ASAP2: variants seen among roughly 807,000 people sequenced by gnomAD.
ASAP2 encodes ArfGAP with SH3 domain, ankyrin repeat and PH domain 2, also known as arf-GAP with SH3 domain, ANK repeat and PH domain-containing protein 2.
In ASAP2, 45 loss-of-function variants were observed where a neutral mutation model predicts 131.4. The observed-to-expected ratio is 0.34, with a 90% CI of 0.27 to 0.44. ASAP2 has a LOEUF of 0.44. Ranked by LOEUF, ASAP2 falls within the 20% of genes least tolerant of loss-of-function variation. ASAP2 has a pLI of 1.00. For missense variants in ASAP2, 1,011 were observed against 1,297.0 expected (o/e 0.78, Z 3.39); for synonymous variants, 510 against 503.0 (o/e 1.01, Z -0.19).
At chr2:9,332,282 C>G (rs560722268) in intron 7 of ASAP2, among the ~76,000 whole-genome samples, 2 of 152,216 alleles carry the variant, frequency 1.3e-5, no homozygotes, top group East Asian at 3.9e-4. Flanking sequence ...GGACAGCAGC[C>G]AGCGGAGAAG....
At chr2:9,288,914 T>TAATA (rs2148353726) in intron 2 of ASAP2, among the ~76,000 whole-genome samples, 1 of 152,286 alleles carries the variant, frequency 6.6e-6, no homozygotes, top group South Asian at 2.1e-4. Flanking sequence ...AGCTCAGTTT[T>TAATA]AATCTCATGC....
intron 2 of ASAP2, among the ~76,000 whole-genome samples, chr2:9,289,268 G>T (rs1242820924): frequency 6.6e-6 from 1 of 152,166 alleles, no homozygotes. Flanking sequence ...ATTCCCCAGA[G>T]CTCATTTTGT....
intron 16 of ASAP2, among the ~76,000 whole-genome samples, chr2:9,372,921 C>G (rs1480012478): frequency 1.3e-5 from 2 of 152,160 alleles, no homozygotes; most frequent in Admixed American, 1.3e-4. Context: ...GTGGACTCCA[C>G]ACAGACAGGG....
At chr2:9,312,856 G>T (rs1278648269) in intron 3 of ASAP2, among the ~76,000 whole-genome samples, 1 of 152,048 alleles carries the variant, frequency 6.6e-6, no homozygotes, top group Non-Finnish European at 1.5e-5. Flanking sequence ...AGCTGTCCTT[G>T]CAGCCTGGCC....
chr2:9,295,460 G>GA (rs1276706345), intron 2 of ASAP2, among the ~76,000 whole-genome samples: 2 of 152,252 alleles, frequency 1.3e-5, no homozygotes, highest in Non-Finnish European at 2.9e-5. Flanking sequence ...GTGGTAAACT[G>GA]AGTCTCTTTA....
At chr2:9,335,350 T>C (rs1671136556) in intron 9 of ASAP2, among the ~76,000 whole-genome samples, 171 bp downstream of exon 9, 1 of 152,220 alleles carries the variant, frequency 6.6e-6, no homozygotes, top group Admixed American at 6.5e-5. Flanking sequence ...AAAACCATCT[T>C]TTAAAATATG....
intron 1 of ASAP2, among the ~76,000 whole-genome samples, chr2:9,243,398 G>A (rs1239375383): frequency 2.6e-5 from 4 of 152,160 alleles, no homozygotes; most frequent in African/African-American, 7.2e-5. Context: ...ATGAGCCACC[G>A]TGCCCGGCCT....
At chr2:9,248,907 T>C (rs1200330306) in intron 1 of ASAP2, among the ~76,000 whole-genome samples, 1 of 152,224 alleles carries the variant, frequency 6.6e-6, no homozygotes, top group African/African-American at 2.4e-5. Flanking sequence ...CTACCTGTCA[T>C]GGAAGCTCTC....
intron 19 of ASAP2, among the ~76,000 whole-genome samples, chr2:9,379,818 C>T (rs538330006): frequency 9.2e-5 from 14 of 151,874 alleles, no homozygotes; most frequent in Non-Finnish European, 1.3e-4. Flanking sequence ...ATGGTGAAAC[C>T]CTGTCTCCAC....
intron 7 of ASAP2, among the ~76,000 whole-genome samples, chr2:9,329,866 C>G (rs1339952943): frequency 6.6e-6 from 1 of 152,182 alleles, no homozygotes; most frequent in African/African-American, 2.4e-5. Flanking sequence ...TCCTAGGACC[C>G]AGCTTATGGA....
intron 2 of ASAP2, among the ~76,000 whole-genome samples, chr2:9,288,878 AG>A (rs1374449920): frequency 6.6e-6 from 1 of 151,906 alleles, no homozygotes; most frequent in African/African-American, 2.4e-5. Context: ...GGTTAAGGAG[AG>A]TCTAGGGTGA....
intron 14 of ASAP2, among the ~76,000 whole-genome samples, chr2:9,356,683 G>A (rs1156743295): frequency 6.6e-6 from 1 of 152,158 alleles, no homozygotes; most frequent in Non-Finnish European, 1.5e-5. Flanking sequence ...ATGTGGATGG[G>A]CTTCCTTGCT....
rs532874073 is a variant in ASAP2, at chr2:9,284,160, G to A, written c.199+4771G>A. ...ATTCCTCTTTGCCAAGTAGCATAAC[G>A]TACTCACAAGTTCCAGGGATTAGGA... On this transcript the variant is annotated intron_variant, in intron 2 of 27. Transcript: ENST00000281419. Among the ~76,000 whole-genome samples the A allele has an allele frequency of 1.1e-4, 16 of 152,268 alleles. No individual in the cohort carries two copies. In the South Asian group the frequency reaches 2.1e-3, roughly 20 times the overall value.
intron 9 of ASAP2, 117 bp downstream of exon 9, chr2:9,335,296 G>A: frequency 1.2e-6 from 1 of 813,706 alleles, no homozygotes; most frequent in Non-Finnish European, 2.1e-6. Context: ...GGCTGTGTCA[G>A]GCACCAGTAA....
intron 3 of ASAP2, among the ~76,000 whole-genome samples, chr2:9,317,920 C>T (rs946655998): frequency 6.6e-6 from 1 of 152,200 alleles, no homozygotes; most frequent in African/African-American, 2.4e-5. Context: ...TATACTCAAG[C>T]ACAGTCACAC....
rs980124624 is a variant in ASAP2, at chr2:9,347,018, T to C, written c.1023+2218T>C. Among the ~76,000 whole-genome samples the C allele has an allele frequency of 2.6e-5, 4 of 152,154 alleles. No homozygotes were observed. The South Asian group carries it at 8.3e-4, about 32-fold the overall frequency. On this transcript the variant is annotated intron_variant, in intron 11 of 27. Coordinates refer to ENST00000281419, the MANE Select transcript of ASAP2 (RefSeq NM_003887.3). ...ACACAGCGTGTGCATATTTAATAGG[T>C]GCTTTGTGTTTGGAGGGGAAAACCC...
intron 20 of ASAP2, among the ~76,000 whole-genome samples, chr2:9,383,868 A>G (rs1210451404): frequency 6.6e-6 from 1 of 152,236 alleles, no homozygotes. Flanking sequence ...TTGTAGGGAC[A>G]TGAATGAAAC....
chr2:9,284,260 GAATCA>G (rs1223001221), intron 2 of ASAP2, among the ~76,000 whole-genome samples: 4 of 152,230 alleles, frequency 2.6e-5, no homozygotes, highest in African/African-American at 9.6e-5. Flanking sequence ...TTTGGAGGTT[GAATCA>G]GTTTCCACTG....
intron 1 of ASAP2, among the ~76,000 whole-genome samples, chr2:9,278,745 T>C (rs1033097343): frequency 1.3e-5 from 2 of 152,202 alleles, no homozygotes; most frequent in African/African-American, 4.8e-5. Flanking sequence ...TATTCAACCC[T>C]GCAAAGTGGG....
Sources: allele counts gnomAD v4.1 joint callset (sites outside exome capture counted in the v4.1 genomes callset), GRCh38; gene constraint gnomAD v4.1.1; transcripts MANE v1.5; gene names NCBI Gene and HGNC (gene_info 2026-07-23, HGNC 2026-07-21).